Variants in PDK1 observed in about 807,000 individuals in gnomAD.
PDK1 encodes the protein [Pyruvate dehydrogenase (acetyl-transferring)] kinase isozyme 1, mitochondrial.
Under a neutral mutation model 54.2 loss-of-function variants are expected in PDK1, and 39 were observed. That is an observed-to-expected ratio of 0.72 (90% CI 0.56 to 0.94). PDK1 has a LOEUF of 0.94. Among genes scored for constraint, PDK1 ranks in the 40% least tolerant of loss-of-function variants. PDK1 has a pLI of 0.00. For synonymous variants in PDK1, 221 were observed against 207.1 expected (o/e 1.07, Z -0.58); for missense variants, 552 against 566.0 (o/e 0.98, Z 0.25).
the PDK1 span, among the ~76,000 whole-genome samples, chr2:172,668,868 T>C: frequency 8.6e-6 from 1 of 116,580 alleles, no homozygotes; most frequent in Admixed American, 9.6e-5. Flanking sequence ...TATATGTATG[T>C]ATGTACACAC....
the PDK1 span, among the ~76,000 whole-genome samples, chr2:172,621,615 TATATGTTTATATATC>T: frequency 2.0e-4 from 30 of 147,342 alleles, no homozygotes; most frequent in South Asian, 1.9e-3. Context: ...TTATATATCA[TATATGTTTATATATC>T]ATATGTTTAT....
the PDK1 span, among the ~76,000 whole-genome samples, chr2:172,705,600 A>T: frequency 6.6e-6 from 1 of 152,252 alleles, no homozygotes; most frequent in Non-Finnish European, 1.5e-5. Context: ...AAATTGTCAT[A>T]AGCCTCTAAT....
At position 172,598,331 on chromosome 2, in the gene PDK1, C is replaced by T. The variant is rs2149308353; in HGVS notation, c.*2362C>T. 1 of 152,152 alleles carries T rather than the reference C, an allele frequency of 6.6e-6. No individual in the cohort carries two copies. The highest frequency in any genetic ancestry group is 6.5e-5 in the Admixed American group (1 of 15,274). The allele number at this position is 152,152 out of a possible 1,614,324, so 9.4% of individuals were successfully genotyped here. ...TTAAAGGAAAAATGAAATTATCTTC[C>T]TTTAGCTTATTTTTAAGGTAAAACA... On this transcript the variant is annotated 3_prime_UTR_variant, in exon 11 of 11. Coordinates refer to ENST00000282077, the MANE Select transcript of PDK1 (RefSeq NM_002610.5).
chr2:172,684,638 C>T, the PDK1 span, among the ~76,000 whole-genome samples: 1 of 152,114 alleles, frequency 6.6e-6, no homozygotes, highest in South Asian at 2.1e-4. Context: ...TGAATATAAA[C>T]TTTCTCTCCA....
chr2:172,626,687 A>G, the PDK1 span, among the ~76,000 whole-genome samples: 140 of 152,198 alleles, frequency 9.2e-4, 1 homozygote, highest in African/African-American at 3.1e-3. Flanking sequence ...CCAGCTTCTC[A>G]GTAGGCTGAG....
the PDK1 span, among the ~76,000 whole-genome samples, chr2:172,666,306 G>A: frequency 6.6e-6 from 1 of 152,146 alleles, no homozygotes; most frequent in Admixed American, 6.5e-5. Flanking sequence ...CATTCCTGTA[G>A]GTATCTTTCT....
the PDK1 span, among the ~76,000 whole-genome samples, chr2:172,672,117 G>C: frequency 6.6e-6 from 1 of 152,112 alleles, no homozygotes; most frequent in Admixed American, 6.6e-5. Context: ...AATGTTTGTA[G>C]GTCTGCAGAG....
chr2:172,666,100 G>A, the PDK1 span, among the ~76,000 whole-genome samples: 1 of 152,108 alleles, frequency 6.6e-6, no homozygotes, highest in African/African-American at 2.4e-5. Context: ...TGATGTTTTA[G>A]GTCTCTGTTG....
the PDK1 span, among the ~76,000 whole-genome samples, chr2:172,630,667 T>C: frequency 1.3e-5 from 2 of 151,760 alleles, no homozygotes; most frequent in African/African-American, 4.8e-5. Flanking sequence ...CCTCATTCTG[T>C]CTTTCAGGCT....
intron 8 of PDK1, among the ~76,000 whole-genome samples, chr2:172,575,272 A>G (rs1405965396): frequency 6.6e-6 from 1 of 152,048 alleles, no homozygotes; most frequent in East Asian, 1.9e-4. Flanking sequence ...AGGTATGTTT[A>G]TTGGTCTGTA....
chr2:172,627,170 T>C, the PDK1 span, among the ~76,000 whole-genome samples: 1 of 152,246 alleles, frequency 6.6e-6, no homozygotes, highest in South Asian at 2.1e-4. Flanking sequence ...GAAAGAATAG[T>C]ATCTAAACCT....
chr2:172,651,315 A>G, the PDK1 span, among the ~76,000 whole-genome samples: 1 of 152,248 alleles, frequency 6.6e-6, no homozygotes, highest in Non-Finnish European at 1.5e-5. Context: ...TCTGGGACAC[A>G]TTTAAAGCAG....
the PDK1 span, among the ~76,000 whole-genome samples, chr2:172,652,365 C>T: frequency 6.6e-6 from 1 of 152,168 alleles, no homozygotes; most frequent in Non-Finnish European, 1.5e-5. Context: ...CAATATCATA[C>T]TGAATGGGCA....
chr2:172,570,192 G>A (rs951591349), intron 7 of PDK1, among the ~76,000 whole-genome samples: 1 of 152,028 alleles, frequency 6.6e-6, no homozygotes, highest in Non-Finnish European at 1.5e-5. Flanking sequence ...CTGATATGTT[G>A]GCACTGTGTA....
the PDK1 span, among the ~76,000 whole-genome samples, chr2:172,676,143 C>T: frequency 6.6e-6 from 1 of 152,158 alleles, no homozygotes; most frequent in Non-Finnish European, 1.5e-5. Flanking sequence ...TGCACCTAGT[C>T]ACTCAAGGGC....
the PDK1 span, among the ~76,000 whole-genome samples, chr2:172,694,356 G>C: frequency 6.6e-5 from 10 of 152,252 alleles, no homozygotes; most frequent in Non-Finnish European, 1.0e-4. Context: ...TCTTCACAGA[G>C]CTAAAAAAGA....
chr2:172,656,777 A>G, the PDK1 span, among the ~76,000 whole-genome samples: 1 of 152,122 alleles, frequency 6.6e-6, no homozygotes, highest in African/African-American at 2.4e-5. Context: ...TAGTCTCATA[A>G]CCTGGCCTCA....
chr2:172,573,525 A>G (rs533724183), intron 8 of PDK1, among the ~76,000 whole-genome samples: 1 of 151,594 alleles, frequency 6.6e-6, no homozygotes, highest in South Asian at 2.1e-4. Flanking sequence ...ACACACACAT[A>G]CATATACATA....
rs1456769550 is a variant in PDK1, at chr2:172,599,223, A to T, written c.*3254A>T. On this transcript the variant is annotated 3_prime_UTR_variant, in exon 11 of 11. Coordinates refer to ENST00000282077, the MANE Select transcript of PDK1 (RefSeq NM_002610.5). ...TCTGCTTGTACCAATTGAATGGCAG[A>T]ACTACTATAGTCAAAAATAAATTCC... 3 of 152,078 alleles carry T rather than the reference A, an allele frequency of 2.0e-5. No individual in the cohort carries two copies. Among genetic ancestry groups the T allele is most frequent in the Non-Finnish European group, 4.4e-5 (3 of 68,010 alleles). 9.4% of individuals were successfully genotyped at this position (152,078 alleles called of 1,614,324 possible).
Sources: allele counts gnomAD v4.1 joint callset (sites outside exome capture counted in the v4.1 genomes callset), GRCh38; gene constraint gnomAD v4.1.1; transcripts MANE v1.5; gene names NCBI Gene and HGNC (gene_info 2026-07-23, HGNC 2026-07-21).